The following PKD1L1 variants were observed in gnomAD, a reference collection of about 807,000 sequenced individuals.
PKD1L1 encodes polycystin-1-like protein 1.
In PKD1L1, 236 loss-of-function variants were observed where a neutral mutation model predicts 323.4. The observed-to-expected ratio is 0.73, with a 90% CI of 0.66 to 0.81. The LOEUF is 0.81. PKD1L1 is among the 40% of genes least tolerant of loss of function. PKD1L1 has a pLI of 0.00. For missense variants in PKD1L1, 3,320 were observed against 3,508.0 expected (o/e 0.95, Z 1.35); for synonymous variants, 1,344 against 1,335.0 (o/e 1.01, Z -0.15).
At chr7:47,856,121 T>A (rs548352917) in intron 28 of PKD1L1, among the ~76,000 whole-genome samples, 25 of 152,102 alleles carry the variant, frequency 1.6e-4, no homozygotes, top group African/African-American at 5.5e-4. Flanking sequence ...CACTGCAACC[T>A]CTGCCTCCCA....
At chr7:47,829,675 T>C (rs186230460) in intron 43 of PKD1L1, 74 bp from the exon 44 acceptor site, 2 of 1,432,492 alleles carry the variant, frequency 1.4e-6, no homozygotes, top group Non-Finnish European at 1.9e-6. Context: ...TGTCCTCCCG[T>C]CCCCTAATCA....
intron 45 of PKD1L1, among the ~76,000 whole-genome samples, chr7:47,826,288 A>T (rs566734328): frequency 3.9e-5 from 6 of 151,954 alleles, no homozygotes; most frequent in African/African-American, 1.4e-4. Flanking sequence ...CATCTCATTT[A>T]ATTTTGTTGT....
Position 47,834,329 on chromosome 7 carries a change from A to T in PKD1L1, c.6174+10T>A. On this transcript the variant is annotated intron_variant, in intron 40 of 56. Transcript: ENST00000289672. ...AGAAGATTAGCTGCTGCGCATAATG[A>T]TTGATTTACCTTGCGTGGCTCCTGT... is the stretch of plus-strand genomic sequence containing the variant. 6.2e-7 allele frequency: 1 copy of T among 1,612,510 alleles called. No individual in the cohort carries two copies.
At chr7:47,864,585 T>TTTCC (rs1162901435) in intron 26 of PKD1L1, among the ~76,000 whole-genome samples, 44 of 77,614 alleles carry the variant, frequency 5.7e-4, no homozygotes, top group African/African-American at 3.0e-3. Flanking sequence ...CTTTTCTTTC[T>TTTCC]TTCTTTCTTT....
intron 12 of PKD1L1, among the ~76,000 whole-genome samples, chr7:47,903,003 A>G (rs1426699890): frequency 6.6e-6 from 1 of 152,228 alleles, no homozygotes; most frequent in Non-Finnish European, 1.5e-5. Context: ...CAGGAAGGAC[A>G]GGATAGATCC....
At chr7:47,846,834 G>C (rs1472342971) in intron 32 of PKD1L1, 45 bp downstream of exon 32, 1 of 1,545,272 alleles carries the variant, frequency 6.5e-7, no homozygotes, top group Non-Finnish European at 8.7e-7. Flanking sequence ...AGACAAGGCA[G>C]TCATTTACTA....
At chr7:47,902,833 T>C (rs553015630) in intron 12 of PKD1L1, among the ~76,000 whole-genome samples, 6 of 152,358 alleles carry the variant, frequency 3.9e-5, no homozygotes, top group Admixed American at 3.9e-4. Flanking sequence ...CCCACAGCCA[T>C]GACCTGGCCC....
At chr7:47,853,690 C>T (rs1232362714) in intron 30 of PKD1L1, among the ~76,000 whole-genome samples, 1 of 148,006 alleles carries the variant, frequency 6.8e-6, no homozygotes, top group African/African-American at 2.5e-5. Flanking sequence ...TTGCAGTGAG[C>T]GGAGATCACA....
chr7:47,952,526 G>A (rs1788218797), upstream of PKD1L1, among the ~76,000 whole-genome samples: 1 of 152,004 alleles, frequency 6.6e-6, no homozygotes, highest in African/African-American at 2.4e-5. Context: ...CACCCCCTGA[G>A]AAAGAAATCT....
chr7:47,827,730 A>G (rs1240087115), intron 44 of PKD1L1, among the ~76,000 whole-genome samples: 1 of 152,222 alleles, frequency 6.6e-6, no homozygotes, highest in Admixed American at 6.5e-5. Flanking sequence ...GCTATTACAA[A>G]GAGCTGCTGT....
chr7:47,900,016 A>G (rs1234466392), intron 13 of PKD1L1, among the ~76,000 whole-genome samples: 1 of 151,920 alleles, frequency 6.6e-6, no homozygotes, highest in African/African-American at 2.4e-5. Flanking sequence ...GGATTTTAAG[A>G]AATCTTGGTG....
intron 47 of PKD1L1, 44 bp from the exon 48 acceptor site, chr7:47,814,058 C>T (rs140062081): frequency 9.2e-6 from 14 of 1,529,876 alleles, no homozygotes; most frequent in Non-Finnish European, 1.2e-5. Flanking sequence ...GTGCTGTGGA[C>T]TTCAAACCTC....
At chr7:47,795,217 C>T (rs951655289) in intron 55 of PKD1L1, 1 of 353,732 alleles carries the variant, frequency 2.8e-6, no homozygotes. Context: ...ATTATATCTC[C>T]CAGAATTCCC....
chr7:47,892,542 G>C (rs1442214483), intron 15 of PKD1L1, among the ~76,000 whole-genome samples: 3 of 152,096 alleles, frequency 2.0e-5, no homozygotes, highest in African/African-American at 7.2e-5. Context: ...AAAAGAATCT[G>C]TCTCCAAAAG....
intron 28 of PKD1L1, among the ~76,000 whole-genome samples, chr7:47,855,960 A>G (rs1785895401): frequency 1.3e-5 from 2 of 151,872 alleles, no homozygotes; most frequent in African/African-American, 4.8e-5. Flanking sequence ...CATAGAAATC[A>G]TATTTCAGGA....
intron 9 of PKD1L1, among the ~76,000 whole-genome samples, 184 bp from the exon 10 acceptor site, chr7:47,906,146 T>A (rs998403884): frequency 6.6e-6 from 1 of 152,238 alleles, no homozygotes; most frequent in African/African-American, 2.4e-5. Context: ...ATCACAGAAT[T>A]TCTGTCATTA....
chr7:47,830,956 C>T (rs1024928351), intron 42 of PKD1L1, among the ~76,000 whole-genome samples: 4 of 152,186 alleles, frequency 2.6e-5, no homozygotes, highest in Non-Finnish European at 5.9e-5. Context: ...CTTGGGTGGG[C>T]GTCCTGCAGC....
Position 47,888,745 on chromosome 7 carries a change from T to C in PKD1L1, c.2676-595A>G, listed in dbSNP as rs192606312. Among the ~76,000 whole-genome samples the C allele has an allele frequency of 3.0e-3, 456 of 152,014 alleles. 1 individual carries two copies. Among genetic ancestry groups the C allele is most frequent in the African/African-American group, 0.01 (434 of 41,494 alleles). On this transcript the variant is annotated intron_variant, in intron 16 of 56. Transcript: ENST00000289672. ...CCATGCCCACAGCCCGGCGCCCACCTCCCTTGGGCCTGCATTCCATGGCTG... is the reference window on the plus strand; with the variant it reads ...CCATGCCCACAGCCCGGCGCCCACCCCCCTTGGGCCTGCATTCCATGGCTG...
At chr7:47,945,661 T>C (rs1236920500) in intron 1 of PKD1L1, among the ~76,000 whole-genome samples, 1 of 152,156 alleles carries the variant, frequency 6.6e-6, no homozygotes, top group Non-Finnish European at 1.5e-5. Flanking sequence ...TCTGCAATGA[T>C]CTAGCGGGCA....
Sources: allele counts gnomAD v4.1 joint callset (sites outside exome capture counted in the v4.1 genomes callset), GRCh38; gene constraint gnomAD v4.1.1; transcripts MANE v1.5; gene names NCBI Gene and HGNC (gene_info 2026-07-23, HGNC 2026-07-21).